SHC3: variants seen among roughly 807,000 people sequenced by gnomAD.
SHC3 encodes SHC-transforming protein 3.
In SHC3, 15 loss-of-function variants were observed where a neutral mutation model predicts 60.4. The ratio of observed to expected loss-of-function variants is 0.25; its 90% CI spans 0.17 to 0.38. The LOEUF is 0.38. Among genes scored for constraint, SHC3 ranks in the 10% least tolerant of loss-of-function variants. The pLI is 1.00. For missense variants in SHC3, 677 were observed against 786.1 expected (o/e 0.86, Z 1.66); for synonymous variants, 294 against 325.9 (o/e 0.90, Z 1.05).
At chr9:89,056,035 A>G (rs1194106655) in intron 6 of SHC3, among the ~76,000 whole-genome samples, 1 of 152,246 alleles carries the variant, frequency 6.6e-6, no homozygotes, top group Non-Finnish European at 1.5e-5. Context: ...CAGTATCTCA[A>G]GACACAACCA....
chr9:89,119,359 C>T (rs552562190), intron 1 of SHC3, among the ~76,000 whole-genome samples: 7 of 151,948 alleles, frequency 4.6e-5, no homozygotes, highest in Admixed American at 1.3e-4. Context: ...ACCATAAATG[C>T]ATCAAACCTG....
Position 89,045,766 on chromosome 9 carries a change from T to A in SHC3, c.1181A>T (p.Gln394Leu), listed in dbSNP as rs779863885. The A allele has an allele frequency of 2.5e-6, 4 of 1,614,184 alleles. No homozygotes were observed. Among genetic ancestry groups the A allele is most frequent in the Non-Finnish European group, 3.4e-6 (4 of 1,180,040 alleles). Residue 394 changes from glutamine (Q) to leucine (L), a missense_variant, in exon 9 of 12, where the codon CAG becomes CTG. Coordinates refer to ENST00000375835, the MANE Select transcript of SHC3 (RefSeq NM_016848.6). ...HLGDTFGEDW[Q>L]QTPLRQGSSD... is the part of the protein sequence containing the mutation. Reference sequence around the variant, plus strand: ...CTCACCTTGCCTTAAAGGTGTTTGCTGCCAGTCTTCGCCAAAAGTGTCTCC... The same window carrying A: ...CTCACCTTGCCTTAAAGGTGTTTGCAGCCAGTCTTCGCCAAAAGTGTCTCC...
chr9:89,066,631 C>T (rs77047406), intron 5 of SHC3, among the ~76,000 whole-genome samples: 3,220 of 152,262 alleles, frequency 0.021, 36 homozygotes, highest in South Asian at 0.034. Flanking sequence ...GCATTCAAGA[C>T]TCTGTGGGGC....
intron 6 of SHC3, among the ~76,000 whole-genome samples, chr9:89,054,278 G>A (rs1169224171): frequency 9.2e-5 from 14 of 152,182 alleles, no homozygotes; most frequent in Non-Finnish European, 2.1e-4. Context: ...GACTAACTCG[G>A]GGGCAGGCCC....
intron 6 of SHC3, among the ~76,000 whole-genome samples, chr9:89,062,231 G>A (rs1825102763): frequency 6.6e-6 from 1 of 152,192 alleles, no homozygotes; most frequent in African/African-American, 2.4e-5. Context: ...AAAAGAAAAT[G>A]ATATGTTAGA....
At chr9:89,167,478 G>T (rs1001103710) in intron 1 of SHC3, among the ~76,000 whole-genome samples, 11 of 152,196 alleles carry the variant, frequency 7.2e-5, no homozygotes, top group African/African-American at 2.7e-4. Context: ...GATGTGGAAA[G>T]TCAGAGGATG....
chr9:89,073,919 G>T (rs777784442), intron 4 of SHC3, among the ~76,000 whole-genome samples: 2 of 152,200 alleles, frequency 1.3e-5, no homozygotes, highest in African/African-American at 2.4e-5. Flanking sequence ...CCAGAGAAAG[G>T]CTGAGCCTGG....
intron 1 of SHC3, among the ~76,000 whole-genome samples, chr9:89,127,096 C>G (rs988286819): frequency 6.6e-6 from 1 of 152,208 alleles, no homozygotes; most frequent in Non-Finnish European, 1.5e-5. Context: ...CTGCCCAGTA[C>G]TGTAGCTCAG....
At chr9:89,016,112 T>C (rs955089813) in intron 11 of SHC3, among the ~76,000 whole-genome samples, 4 of 151,672 alleles carry the variant, frequency 2.6e-5, no homozygotes, top group African/African-American at 9.7e-5. Flanking sequence ...GATAAACCTC[T>C]AGCCAGGCTA....
At chr9:89,082,716 T>C (rs1413948205) in intron 2 of SHC3, among the ~76,000 whole-genome samples, 1 of 152,154 alleles carries the variant, frequency 6.6e-6, no homozygotes, top group African/African-American at 2.4e-5. Context: ...CCTTGAACTG[T>C]TGGAGTCCTC....
At chr9:89,051,401 T>C (rs1338868448) in intron 7 of SHC3, among the ~76,000 whole-genome samples, 1 of 152,166 alleles carries the variant, frequency 6.6e-6, no homozygotes, top group Non-Finnish European at 1.5e-5. Flanking sequence ...TTTTTTATAA[T>C]AAACTAAACA....
At chr9:89,168,954 G>C in intron 1 of SHC3, among the ~76,000 whole-genome samples, 2 of 152,206 alleles carry the variant, frequency 1.3e-5, no homozygotes, top group South Asian at 4.2e-4. Context: ...TGAAACATTG[G>C]CTTTTCCTGG....
chr9:89,027,231 C>G (rs928301268), intron 11 of SHC3, among the ~76,000 whole-genome samples: 4 of 152,122 alleles, frequency 2.6e-5, no homozygotes, highest in African/African-American at 9.6e-5. Context: ...ATTAAGTGAG[C>G]ATGATGCTAA....
At chr9:89,093,684 C>T (rs1825659005) in intron 2 of SHC3, among the ~76,000 whole-genome samples, 1 of 140,078 alleles carries the variant, frequency 7.1e-6, no homozygotes, top group Non-Finnish European at 1.5e-5. Flanking sequence ...AGGACAGGGG[C>T]TTGGGGGAGG....
At position 89,178,750 on chromosome 9, in the gene SHC3, C is replaced by G. The variant is rs1826989762; in HGVS notation, c.-290G>C. ...TGATGGAGCGCCCAGCTGCTTGGGG[C>G]TGCTCACAGCAAAAGCATGACTCAC... On this transcript the variant is annotated 5_prime_UTR_variant, in exon 1 of 12. Transcript: ENST00000375835. The surrounding 1 kb of genome is among the most constrained non-coding windows in gnomAD (Gnocchi z 6.9). 4 of 309,214 alleles carry G rather than the reference C, an allele frequency of 1.3e-5. No individual in the cohort carries two copies. Among genetic ancestry groups the G allele is most frequent in the African/African-American group, 6.5e-5 (3 of 46,346 alleles). 19.2% of individuals were successfully genotyped at this position (309,214 alleles called of 1,614,324 possible).
chr9:89,172,736 C>T (rs1826887807), intron 1 of SHC3, among the ~76,000 whole-genome samples: 1 of 152,202 alleles, frequency 6.6e-6, no homozygotes, highest in South Asian at 2.1e-4. Context: ...TTGTCCTTTA[C>T]CCAGGAAACA....
At chr9:89,168,062 C>G (rs1008515741) in intron 1 of SHC3, among the ~76,000 whole-genome samples, 1 of 152,266 alleles carries the variant, frequency 6.6e-6, no homozygotes, top group Admixed American at 6.5e-5. Context: ...GACCTACCTA[C>G]AGCTCTCCCT....
intron 2 of SHC3, chr9:89,109,965 C>G (rs1825922322): frequency 1.0e-6 from 1 of 985,300 alleles, no homozygotes; most frequent in Non-Finnish European, 1.2e-6. Context: ...ATACCTATGC[C>G]TCATTGTTTT....
intron 11 of SHC3, among the ~76,000 whole-genome samples, chr9:89,019,848 C>A (rs1032705787): frequency 6.6e-6 from 1 of 152,194 alleles, no homozygotes; most frequent in Admixed American, 6.5e-5. Context: ...TAAATAATAT[C>A]AAATACAGTC....
Sources: allele counts gnomAD v4.1 joint callset (sites outside exome capture counted in the v4.1 genomes callset), GRCh38; gene constraint gnomAD v4.1.1; non-coding constraint Gnocchi (gnomAD v3.1); transcripts MANE v1.5; gene names NCBI Gene and HGNC (gene_info 2026-07-23, HGNC 2026-07-21).